NID1: variants seen among roughly 807,000 people sequenced by gnomAD.
NID1 encodes nidogen-1.
Under a neutral mutation model 130.6 loss-of-function variants are expected in NID1, and 76 were observed. That is an observed-to-expected ratio of 0.58 (90% CI 0.48 to 0.70). The LOEUF (loss-of-function observed/expected upper bound fraction) is 0.70, where lower values mean the gene tolerates loss of function less well. Among genes scored for constraint, NID1 ranks in the 30% least tolerant of loss-of-function variants. The probability of loss-of-function intolerance (pLI) is 0.00; values close to 1 mark genes in which losing one functional copy is unlikely to be tolerated. For missense variants in NID1, 1,517 were observed against 1,664.8 expected (o/e 0.91, Z 1.54); for synonymous variants, 665 against 675.1 (o/e 0.98, Z 0.23).
chr1:236,048,647 A>G (rs1345367898), intron 2 of NID1, 43 bp downstream of exon 2: 1 of 1,589,710 alleles, frequency 6.3e-7, no homozygotes, highest in East Asian at 2.2e-5. Flanking sequence ...GTATGAAGCC[A>G]ATGTGTCTGA....
chr1:235,982,397 G>A (rs1178522333), intron 15 of NID1, among the ~76,000 whole-genome samples: 1 of 152,162 alleles, frequency 6.6e-6, no homozygotes, highest in Non-Finnish European at 1.5e-5. Flanking sequence ...GGAGGCAGTG[G>A]AAGATCTTAA....
At position 236,064,846 on chromosome 1, in the gene NID1, C is replaced by G; in HGVS notation, c.225+9G>C. On this transcript the variant is annotated intron_variant, in intron 1 of 19. Transcript: ENST00000264187. ...CAGCCCCTCGCCCGCCCTCCCGGGG[C>G]TCACTCACGTAGACTGCGTCGATGT... 6.2e-7 allele frequency: 1 copy of G among 1,607,518 alleles called. No individual in the cohort carries two copies.
In NID1 at chr1:236,038,118, T is replaced by G; in HGVS notation, c.1271A>C (p.Gln424Pro). 1.9e-6 allele frequency: 3 copies of G among 1,599,904 alleles called. No individual in the cohort carries two copies. Among genetic ancestry groups the G allele is most frequent in the East Asian group, 2.3e-5 (1 of 44,374 alleles). Residue 424 changes from glutamine to proline, a missense_variant, in exon 5 of 20, where the codon CAA becomes CCA. Physicochemically the swap from Gln to Pro is moderately conservative, Grantham distance 76. This residue lies in a region of NID1 where 1,329 missense variants were observed against 1,429.2 expected (regional missense o/e 0.93). Transcript: ENST00000264187. The part of the protein sequence containing the change: ...CVAGYTGNGR[Q>P]CVAEGSPQRV... The stretch of plus-strand genomic sequence containing the variant: ...AAGCAAATTACCTTCTGCAACACAT[T>G]GCCTGCCATTGCCCGTATAGCCAGC...
chr1:236,042,435 C>A (rs1572615333), intron 3 of NID1, 143 bp from the exon 4 acceptor site: 2 of 1,087,842 alleles, frequency 1.8e-6, no homozygotes, highest in Non-Finnish European at 2.6e-6. Flanking sequence ...AGGGCACTGG[C>A]CGTCATGTCT....
At position 235,979,932 on chromosome 1, in the gene NID1, C is replaced by A; in HGVS notation, c.3399G>T (p.Ala1133=). The A allele has an allele frequency of 6.2e-7, 1 of 1,614,000 alleles. No homozygotes were observed. Among genetic ancestry groups the A allele is most frequent in the African/African-American group, 1.3e-5 (1 of 75,036 alleles). ...TGGGCTGACTGGGGTTCAGGCATTC[C>A]GCCCGATTGGTGCCTGTGTGGAGTG... ...LCWVDAGTNR[A]ECLNPSQPSR... The change falls in exon 18 of 20, where the codon GCG becomes GCT. Residue 1133 remains alanine (A), a synonymous_variant. Transcript: ENST00000264187. The surrounding 1 kb of genome is among the most constrained non-coding windows in gnomAD (Gnocchi z 4.6).
At chr1:235,991,631 C>A (rs1657742191) in intron 13 of NID1, among the ~76,000 whole-genome samples, 1 of 151,748 alleles carries the variant, frequency 6.6e-6, no homozygotes, top group Admixed American at 6.6e-5. Flanking sequence ...CTGTGCCCGG[C>A]CGGCCTCCCT....
intron 1 of NID1, among the ~76,000 whole-genome samples, chr1:236,061,521 A>G (rs780542497): frequency 1.8e-4 from 27 of 152,158 alleles, no homozygotes; most frequent in Non-Finnish European, 3.1e-4. Flanking sequence ...GGCTGAGTGC[A>G]ATGGCGCGAT....
At position 236,002,002 on chromosome 1, in the gene NID1, T is replaced by C. The variant is rs564649096; in HGVS notation, c.2528-8130A>G. Among the ~76,000 whole-genome samples the C allele has an allele frequency of 2.6e-5, 4 of 152,350 alleles. No individual in the cohort carries two copies. In the South Asian group the frequency reaches 8.3e-4, roughly 32 times the overall value. ...GTGAAGCACTTACTCACTAGTGTTA[T>C]AAGCATTTAGTGAAAGCTGCCATCA... On this transcript the variant is annotated intron_variant, in intron 12 of 19. Coordinates refer to ENST00000264187, the MANE Select transcript of NID1 (RefSeq NM_002508.3).
chr1:235,992,936 A>G (rs1657799604), intron 13 of NID1, among the ~76,000 whole-genome samples: 1 of 152,212 alleles, frequency 6.6e-6, no homozygotes, highest in Non-Finnish European at 1.5e-5. Context: ...TAGAGCTGGG[A>G]ATCACTCTCG....
At chr1:235,985,085 C>T (rs1015674914) in intron 15 of NID1, among the ~76,000 whole-genome samples, 7 of 151,458 alleles carry the variant, frequency 4.6e-5, no homozygotes, top group East Asian at 1.9e-4. Flanking sequence ...CCCAGCTACT[C>T]GAGAGGCTGA....
At chr1:236,037,563 C>G (rs1199256857) in intron 5 of NID1, among the ~76,000 whole-genome samples, 1 of 151,780 alleles carries the variant, frequency 6.6e-6, no homozygotes. Context: ...GAGGCTGAGG[C>G]AGGAGAATCA....
intron 11 of NID1, among the ~76,000 whole-genome samples, chr1:236,013,036 G>A (rs1658479145): frequency 6.6e-6 from 1 of 152,172 alleles, no homozygotes; most frequent in Non-Finnish European, 1.5e-5. Flanking sequence ...CAGTTGAATG[G>A]CTACATGTTA....
rs375443205 is a variant in NID1 at position 235,990,900 on chromosome 1, A to T, written c.2914T>A (p.Phe972Ile). Residue 972 changes from phenylalanine (F) to isoleucine (I), a missense_variant, in exon 14 of 20, where the codon TTC becomes ATC. By Grantham distance (21) the Phe-to-Ile change is conservative (BLOSUM62 0). This residue lies in a region of NID1 where 1,329 missense variants were observed against 1,429.2 expected (regional missense o/e 0.93). Coordinates refer to ENST00000264187, the MANE Select transcript of NID1 (RefSeq NM_002508.3). ...NTMRKTEAKA[F>I]LHVPAKVIIG... ...CCAGCACTCACCGGGACATGAAGGA[A>T]CGCCTTTGCTTCTGTCTTCCTCATG... 1.9e-5 allele frequency: 30 copies of T among 1,613,906 alleles called. No individual in the cohort carries two copies. Among genetic ancestry groups the T allele is most frequent in the Non-Finnish European group, 2.4e-5 (28 of 1,180,010 alleles).
intron 2 of NID1, among the ~76,000 whole-genome samples, chr1:236,047,691 A>G (rs1558447873): frequency 6.6e-6 from 1 of 152,050 alleles, no homozygotes; most frequent in Non-Finnish European, 1.5e-5. Flanking sequence ...GTACTTTGTT[A>G]TTTTAACCTA....
intron 5 of NID1, among the ~76,000 whole-genome samples, chr1:236,034,409 C>T (rs183973258): frequency 5.7e-3 from 598 of 104,748 alleles, no homozygotes; most frequent in Middle Eastern, 0.026. Context: ...GCAATAAGAG[C>T]GAAACTCCAT....
Position 236,032,507 on chromosome 1 carries a change from G to C in NID1, c.1431C>G (p.Pro477=), listed in dbSNP as rs763188712. The change falls in exon 6 of 20, where the codon CCC becomes CCG. Residue 477 remains proline (P), a synonymous_variant. Coordinates refer to ENST00000264187, the MANE Select transcript of NID1 (RefSeq NM_002508.3). ...GRSYTAISTI[P]ETVGYSLLPL... is the part of the protein sequence containing the mutation. The stretch of plus-strand genomic sequence containing the variant: ...GAAGCAGAGAATATCCAACGGTCTC[G>C]GGAATGGTGCTGATGGCTGTGTAGG... 3 of 1,614,026 alleles carry C rather than the reference G, an allele frequency of 1.9e-6. No homozygotes were observed. Among genetic ancestry groups the C allele is most frequent in the Admixed American group, 3.3e-5 (2 of 59,988 alleles).
At chr1:235,982,204 A>G (rs926053986) in intron 15 of NID1, among the ~76,000 whole-genome samples, 2 of 152,172 alleles carry the variant, frequency 1.3e-5, no homozygotes, top group African/African-American at 4.8e-5. Flanking sequence ...CAGTTTGTCA[A>G]ACAAGGATCC....
intron 14 of NID1, among the ~76,000 whole-genome samples, chr1:235,985,941 T>C (rs1657562058): frequency 6.6e-6 from 1 of 152,054 alleles, no homozygotes; most frequent in Non-Finnish European, 1.5e-5. Context: ...TTAAAATTTT[T>C]TGTGGCAACA....
rs563220199 is a variant in NID1 at position 236,042,477 on chromosome 1, G to C, written c.753-185C>G. On this transcript the variant is annotated intron_variant, in intron 3 of 19. Transcript: ENST00000264187. ...CATGTGGCTGAGGCAGTCTAGGGCT[G>C]TCTGGTGAGACTGTGTCCAAATGGG... Among the ~76,000 whole-genome samples, 21 of 152,332 alleles carry C rather than the reference G, an allele frequency of 1.4e-4. 1 individual carries two copies. The South Asian group carries it at 4.1e-3, about 30-fold the overall frequency.
Sources: gnomAD v4.1 joint callset for allele counts (sites outside exome capture counted in the v4.1 genomes callset) on GRCh38, gnomAD v4.1.1 for gene constraint, gnomAD v4.1.1 regional missense constraint, Gnocchi (gnomAD v3.1) non-coding constraint, MANE v1.5 for transcripts, NCBI Gene and HGNC (gene_info 2026-07-23, HGNC 2026-07-21) for gene names.